The following RNF144A variants were observed in gnomAD, a reference collection of about 807,000 sequenced individuals.
RNF144A encodes ring finger protein 144A, also known as E3 ubiquitin-protein ligase RNF144A.
RNF144A carries 11 observed loss-of-function variants against 38.7 expected under a neutral mutation model. The ratio of observed to expected loss-of-function variants is 0.28; its 90% CI spans 0.18 to 0.47. The LOEUF (loss-of-function observed/expected upper bound fraction) is 0.47. Among genes scored for constraint, RNF144A ranks in the 20% least tolerant of loss-of-function variants. The pLI is 0.99. For missense variants in RNF144A, 316 were observed against 377.2 expected, an observed-to-expected ratio of 0.84 and a Z score of 1.34; for synonymous variants, 149 against 143.9, an observed-to-expected ratio of 1.04 and a Z score of -0.25.
At chr2:7,013,905 C>T (rs2103418408) in intron 3 of RNF144A, among the ~76,000 whole-genome samples, 1 of 152,306 alleles carries the variant, frequency 6.6e-6, no homozygotes, top group East Asian at 1.9e-4. Context: ...GGGTTCTCAG[C>T]AGGGAGATCA....
intron 1 of RNF144A, among the ~76,000 whole-genome samples, chr2:6,920,646 C>A (rs912469764): frequency 6.6e-6 from 1 of 152,142 alleles, no homozygotes; most frequent in African/African-American, 2.4e-5. Flanking sequence ...AGGGACTCTC[C>A]GTGTTTTCTC....
At chr2:6,932,937 T>G (rs1254267105) in intron 1 of RNF144A, 2 of 152,234 alleles carry the variant, frequency 1.3e-5, no homozygotes, top group Non-Finnish European at 2.9e-5. Flanking sequence ...GATCCCTGTG[T>G]TTCCCAGTGT....
intron 6 of RNF144A, among the ~76,000 whole-genome samples, chr2:7,062,445 C>T (rs554652871): frequency 3.1e-4 from 42 of 133,580 alleles, no homozygotes; most frequent in South Asian, 1.2e-3. Context: ...TTATGAATAA[C>T]GGAGGTCATG....
chr2:6,924,343 G>A (rs574397640), intron 1 of RNF144A, among the ~76,000 whole-genome samples: 2 of 152,264 alleles, frequency 1.3e-5, no homozygotes, highest in Non-Finnish European at 2.9e-5. Context: ...AGCATAGGAC[G>A]TGGCCTTTGC....
At chr2:7,039,386 G>T (rs1422684956) in intron 8 of RNF144A, among the ~76,000 whole-genome samples, 2 of 151,848 alleles carry the variant, frequency 1.3e-5, no homozygotes, top group Non-Finnish European at 2.9e-5. Context: ...ATGATGGTTA[G>T]ATGGGTAGAT....
chr2:6,952,561 ATTTCTTC>A (rs545706058), intron 2 of RNF144A, among the ~76,000 whole-genome samples: 95 of 150,604 alleles, frequency 6.3e-4, no homozygotes, highest in African/African-American at 2.1e-3. Context: ...ATTTGCACTC[ATTTCTTC>A]TTGAGTCAGT....
At chr2:6,934,561 C>T (rs1301075199) in intron 1 of RNF144A, among the ~76,000 whole-genome samples, 1 of 152,166 alleles carries the variant, frequency 6.6e-6, no homozygotes, top group Non-Finnish European at 1.5e-5. Context: ...CTGGGTTATA[C>T]ATATTTCAGT....
At chr2:7,020,810 C>G (rs1010722078) in intron 6 of RNF144A, 130 bp downstream of exon 6, 2 of 727,230 alleles carry the variant, frequency 2.8e-6, no homozygotes, top group Non-Finnish European at 4.7e-6. Flanking sequence ...CACACTGTAC[C>G]TCTTGAGCCT....
chr2:7,068,888 C>T (rs376036041), downstream of RNF144A, among the ~76,000 whole-genome samples: 1 of 152,304 alleles, frequency 6.6e-6, no homozygotes, highest in East Asian at 1.9e-4. Context: ...CACACACACA[C>T]CTAAGTAGAG....
In RNF144A at chr2:6,962,649, A is replaced by C. The variant is rs7587948; in HGVS notation, c.-12+21502A>C. 0.05 allele frequency among the ~76,000 whole-genome samples: 7,627 copies of C among 152,286 alleles called. 621 individuals carry two copies. Among genetic ancestry groups the C allele is most frequent in the African/African-American group, 0.17 (7,175 of 41,538 alleles). ...TGGATAAATTCACCGAAATAAGGAA[A>C]ACTTCTAACACTTAGACAAGAAAAT... On this transcript the variant is annotated intron_variant, in intron 2 of 8. Transcript: ENST00000320892. This position sits in a 1 kb window ranked among gnomAD's most constrained non-coding sequence, Gnocchi z 4.1.
At chr2:7,056,843 G>A (rs1164701408) in intron 6 of RNF144A, among the ~76,000 whole-genome samples, 6 of 152,072 alleles carry the variant, frequency 3.9e-5, no homozygotes, top group Non-Finnish European at 7.4e-5. Flanking sequence ...TATCTCATGC[G>A]CCTGCTTCCA....
chr2:6,954,247 T>A (rs1338681134), intron 2 of RNF144A, among the ~76,000 whole-genome samples: 1 of 152,186 alleles, frequency 6.6e-6, no homozygotes, highest in Non-Finnish European at 1.5e-5. Flanking sequence ...TTTAAATGCA[T>A]ATTTGTTTCT....
intron 6 of RNF144A, among the ~76,000 whole-genome samples, chr2:7,052,038 G>C (rs1572483920): frequency 6.6e-6 from 1 of 152,120 alleles, no homozygotes; most frequent in East Asian, 1.9e-4. Context: ...ATGCCTAATT[G>C]GAAGTAACAT....
intron 2 of RNF144A, among the ~76,000 whole-genome samples, chr2:6,954,113 T>C (rs1469248316): frequency 1.3e-5 from 2 of 152,142 alleles, no homozygotes; most frequent in African/African-American, 4.8e-5. Context: ...CTTTTAGGTA[T>C]ATTTATCTGT....
intron 6 of RNF144A, among the ~76,000 whole-genome samples, chr2:7,050,574 TC>T (rs1482016524): frequency 5.9e-5 from 9 of 151,318 alleles, no homozygotes; most frequent in Admixed American, 2.0e-4. Context: ...ACCATTCTGT[TC>T]CTGGGGCATT....
rs947794448 is a variant in RNF144A, at chr2:7,042,230, A to G, written c.*2470A>G. The G allele has an allele frequency of 1.0e-6, 1 of 985,458 alleles. No individual in the cohort carries two copies. The highest frequency in any genetic ancestry group is 1.2e-6 in the Non-Finnish European group (1 of 829,940). 61.0% of individuals were successfully genotyped at this position (985,458 alleles called of 1,614,324 possible). On this transcript the variant is annotated 3_prime_UTR_variant, in exon 9 of 9. Coordinates refer to ENST00000320892, the MANE Select transcript of RNF144A (RefSeq NM_014746.6). ...GACTTATCTTTGATGGGAATACAGT[A>G]TGAACCCTGCTTGATGTAAAATGGA... is the stretch of plus-strand genomic sequence containing the variant.
At position 7,041,918 on chromosome 2, in the gene RNF144A, G is replaced by C. The variant is rs1558459191; in HGVS notation, c.*2158G>C. 2.0e-6 allele frequency: 2 copies of C among 985,284 alleles called. No homozygotes were observed. The highest frequency in any genetic ancestry group is 3.5e-5 in the African/African-American group (2 of 57,212). The allele number at this position is 985,284 out of a possible 1,614,324, so 61.0% of individuals were successfully genotyped here. A position where few individuals can be genotyped will look rare whatever the true frequency, so the allele number is the denominator to read the frequency against. The stretch of plus-strand genomic sequence containing the variant: ...AGGCTGTTCTGTTGGAAGAGTCTCT[G>C]GCCCAGTCATGCACATCTGTAGCCC... On this transcript the variant is annotated 3_prime_UTR_variant, in exon 9 of 9. Transcript: ENST00000320892.
chr2:7,048,565 C>T (rs1044986524), downstream of RNF144A, among the ~76,000 whole-genome samples: 3 of 152,124 alleles, frequency 2.0e-5, no homozygotes, highest in Non-Finnish European at 4.4e-5. Context: ...CAAGGATGGG[C>T]CAACAGTGCT....
downstream of RNF144A, among the ~76,000 whole-genome samples, chr2:7,046,960 A>C (rs1475313314): frequency 6.6e-6 from 1 of 152,224 alleles, no homozygotes; most frequent in Admixed American, 6.5e-5. Flanking sequence ...CACAAGAAAG[A>C]TCCAACAAGG....
Sources: gnomAD v4.1 joint callset for allele counts (sites outside exome capture counted in the v4.1 genomes callset) on GRCh38, gnomAD v4.1.1 for gene constraint, Gnocchi (gnomAD v3.1) non-coding constraint, MANE v1.5 for transcripts, NCBI Gene and HGNC (gene_info 2026-07-23, HGNC 2026-07-21) for gene names.